Variants in KCNMA1 observed in about 807,000 individuals in gnomAD.
The protein encoded by KCNMA1 is Calcium-activated potassium channel subunit alpha-1.
In KCNMA1, 29 loss-of-function variants were observed where a neutral mutation model predicts 140.0. The ratio of observed to expected loss-of-function variants is 0.21; its 90% CI spans 0.15 to 0.28. The LOEUF is 0.28. Ranked by LOEUF, KCNMA1 falls within the 10% of genes least tolerant of loss-of-function variation. The pLI, the probability that KCNMA1 is intolerant of heterozygous loss-of-function variation, is 1.00. For missense variants in KCNMA1, 880 were observed against 1,602.2 expected (o/e 0.55, Z 7.70); for synonymous variants, 612 against 611.9 (o/e 1.00, Z 0.00).
chr10:76,954,660 A>G (rs775667663), intron 20 of KCNMA1, among the ~76,000 whole-genome samples: 2 of 152,148 alleles, frequency 1.3e-5, no homozygotes, highest in Non-Finnish European at 2.9e-5. Flanking sequence ...TAACCATCCA[A>G]TGATGCTCCC....
At chr10:77,241,488 A>AT (rs11400203) in intron 3 of KCNMA1, among the ~76,000 whole-genome samples, 118,088 of 151,108 alleles carry the variant, frequency 0.78, 46,585 homozygotes, top group East Asian at 0.95. Flanking sequence ...CTCTACAATA[A>AT]TTTTTTTTAA....
Position 76,915,065 on chromosome 10 carries a change from C to A in KCNMA1, c.2903-16G>T, listed in dbSNP as rs746730580. 6.3e-7 allele frequency: 1 copy of A among 1,577,422 alleles called. No individual in the cohort carries two copies. Among genetic ancestry groups the A allele is most frequent in the Non-Finnish European group, 8.7e-7 (1 of 1,147,126 alleles). The stretch of plus-strand genomic sequence containing the variant: ...GGTGTGAACCCTAGTGGGAAGGAAA[C>A]AGAGGAGGAAGAAAAATCAGAGAAG... On this transcript the variant is annotated splice_polypyrimidine_tract_variant and intron_variant, in intron 23 of 27. Transcript: ENST00000286628.
chr10:77,277,194 G>A (rs2066920599), intron 2 of KCNMA1, among the ~76,000 whole-genome samples: 1 of 152,160 alleles, frequency 6.6e-6, no homozygotes, highest in African/African-American at 2.4e-5. Flanking sequence ...GGGGTGAGGA[G>A]CCACTAACAG....
intron 1 of KCNMA1, among the ~76,000 whole-genome samples, chr10:77,542,586 T>C (rs374898120): frequency 9.8e-5 from 15 of 152,356 alleles, no homozygotes; most frequent in Middle Eastern, 3.4e-3. Context: ...ATTGTATTTT[T>C]TTAAAAGATA....
intron 25 of KCNMA1, among the ~76,000 whole-genome samples, chr10:76,899,145 G>GT (rs2043932066): frequency 6.6e-6 from 1 of 152,036 alleles, no homozygotes; most frequent in Non-Finnish European, 1.5e-5. Context: ...ACAGAGGAGA[G>GT]TATTAGGAAA....
At chr10:77,492,332 C>T (rs1176618629) in intron 1 of KCNMA1, among the ~76,000 whole-genome samples, 1 of 152,172 alleles carries the variant, frequency 6.6e-6, no homozygotes, top group East Asian at 1.9e-4. Context: ...CCCTGCTGAT[C>T]TGCATGCTCT....
intron 1 of KCNMA1, chr10:77,636,180 A>C: frequency 7.0e-7 from 1 of 1,419,648 alleles, no homozygotes. Flanking sequence ...CTCAGAAAGA[A>C]GGCAGCTGGC....
At chr10:76,985,233 T>C (rs1204514573) in intron 19 of KCNMA1, among the ~76,000 whole-genome samples, 1 of 152,200 alleles carries the variant, frequency 6.6e-6, no homozygotes, top group African/African-American at 2.4e-5. Context: ...TTCTAATATG[T>C]AAAGCACTGT....
At chr10:77,631,832 G>A (rs1352690904) in intron 1 of KCNMA1, among the ~76,000 whole-genome samples, 1 of 152,170 alleles carries the variant, frequency 6.6e-6, no homozygotes, top group African/African-American at 2.4e-5. Flanking sequence ...CCTGTTGTAT[G>A]TTTGGTCAAG....
chr10:77,247,450 G>C (rs2058775339), intron 3 of KCNMA1, among the ~76,000 whole-genome samples: 1 of 152,164 alleles, frequency 6.6e-6, no homozygotes, highest in Non-Finnish European at 1.5e-5. Context: ...GATGGAAGCA[G>C]CAATGGTGAC....
At chr10:77,217,953 C>T (rs1400233505) in intron 3 of KCNMA1, among the ~76,000 whole-genome samples, 1 of 152,146 alleles carries the variant, frequency 6.6e-6, no homozygotes, top group Non-Finnish European at 1.5e-5. Flanking sequence ...TATAAACTAT[C>T]TATGCCATTT....
chr10:77,182,897 C>G (rs1598142233), intron 5 of KCNMA1, among the ~76,000 whole-genome samples: 1 of 152,266 alleles, frequency 6.6e-6, no homozygotes, highest in East Asian at 1.9e-4. Flanking sequence ...CTCCCCTTAA[C>G]ACAGAAAGGG....
intron 1 of KCNMA1, among the ~76,000 whole-genome samples, chr10:77,521,545 A>C (rs2053396238): frequency 6.6e-6 from 1 of 152,220 alleles, no homozygotes; most frequent in Non-Finnish European, 1.5e-5. Flanking sequence ...CTCATCTGTA[A>C]ACCATGGATA....
At chr10:77,101,588 C>T (rs755965911) in intron 9 of KCNMA1, among the ~76,000 whole-genome samples, 1 of 152,102 alleles carries the variant, frequency 6.6e-6, no homozygotes, top group Non-Finnish European at 1.5e-5. Context: ...AATCCAAAGA[C>T]ATTGCTGAGG....
intron 5 of KCNMA1, among the ~76,000 whole-genome samples, chr10:77,177,341 TCTTC>T (rs2098760251): frequency 1.3e-5 from 2 of 150,242 alleles, no homozygotes; most frequent in Admixed American, 6.6e-5. Flanking sequence ...TTCCTTCCTT[TCTTC>T]CTTCCTTTCC....
intron 1 of KCNMA1, among the ~76,000 whole-genome samples, chr10:77,410,793 T>C (rs1042241506): frequency 1.3e-5 from 2 of 152,204 alleles, no homozygotes; most frequent in East Asian, 1.9e-4. Flanking sequence ...GGCCTCTGCC[T>C]CTGCTCCAGA....
intron 1 of KCNMA1, among the ~76,000 whole-genome samples, chr10:77,460,191 G>C (rs1265489420): frequency 6.6e-6 from 1 of 152,204 alleles, no homozygotes; most frequent in South Asian, 2.1e-4. Context: ...GCTCTACAGT[G>C]AGTGCTATAT....
chr10:77,555,324 G>A (rs1021173777), intron 1 of KCNMA1, among the ~76,000 whole-genome samples: 4 of 152,096 alleles, frequency 2.6e-5, no homozygotes, highest in Non-Finnish European at 4.4e-5. Flanking sequence ...ATGGATCAAG[G>A]GTCATTTCTG....
intron 10 of KCNMA1, 94 bp from the exon 11 acceptor site, chr10:77,086,687 C>G: frequency 1.2e-6 from 1 of 861,146 alleles, no homozygotes; most frequent in African/African-American, 1.7e-5. Context: ...ACAGGGAGCC[C>G]TGGGGAGAGG....
Sources: allele counts gnomAD v4.1 joint callset (sites outside exome capture counted in the v4.1 genomes callset), GRCh38; gene constraint gnomAD v4.1.1; transcripts MANE v1.5; gene names NCBI Gene and HGNC (gene_info 2026-07-23, HGNC 2026-07-21).